The following CIC variants were observed in gnomAD, a reference collection of about 807,000 sequenced individuals.
The protein encoded by CIC is capicua transcriptional repressor.
In CIC, 18 loss-of-function variants were observed where a neutral mutation model predicts 115.7. The ratio of observed to expected loss-of-function variants is 0.16; its 90% CI spans 0.11 to 0.23. The LOEUF is 0.23. Ranked by LOEUF, CIC falls within the 10% of genes least tolerant of loss-of-function variation. CIC has a pLI of 1.00. For synonymous variants in CIC, 1,076 were observed against 923.0 expected, an observed-to-expected ratio of 1.17 and a Z score of -3.01; for missense variants, 2,000 against 2,159.3, an observed-to-expected ratio of 0.93 and a Z score of 1.46.
rs1270442745 is a variant in CIC at position 42,295,277 on chromosome 19, G to C, written c.*86G>C. 8.1e-7 allele frequency: 1 copy of C among 1,241,176 alleles called. No individual in the cohort carries two copies. Among genetic ancestry groups the C allele is most frequent in the African/African-American group, 1.5e-5 (1 of 66,896 alleles). The allele number at this position is 1,241,176 out of a possible 1,614,324, so 76.9% of individuals were successfully genotyped here. ...GGGCAGGAAGGTTATCTCCTCCCGG[G>C]TAAAGCCATTTCGTCCTCTCCAGTT... On this transcript the variant is annotated 3_prime_UTR_variant, in exon 21 of 21. Transcript: ENST00000681038.
rs779222606 is a variant in CIC, at chr19:42,293,174, C to T, written c.6415C>T (p.Pro2139Ser). Reference sequence around the variant, plus strand: ...TGAGCTTGAGGGGCAGCCCACACCACCAGCCCCTCCACCCCTGCCAGAGAC... The same window carrying T: ...TGAGCTTGAGGGGCAGCCCACACCATCAGCCCCTCCACCCCTGCCAGAGAC... ...ESELEGQPTP[P>S]APPPLPETWT... Residue 2139 changes from proline to serine, a missense_variant, in exon 16 of 21, where the codon CCA becomes TCA. Coordinates refer to ENST00000681038, the MANE Select transcript of CIC (RefSeq NM_001386298.1). 6.2e-7 allele frequency: 1 copy of T among 1,602,618 alleles called. No homozygotes were observed. Among genetic ancestry groups the T allele is most frequent in the Non-Finnish European group, 8.5e-7 (1 of 1,175,464 alleles).
intron 2 of CIC, among the ~76,000 whole-genome samples, chr19:42,282,905 C>T (rs971881037): frequency 6.6e-6 from 1 of 151,936 alleles, no homozygotes; most frequent in Non-Finnish European, 1.5e-5. Context: ...TAGTGGGTGG[C>T]TGGCAGAGCA....
rs1226588345 is a variant in CIC at position 42,270,051 on chromosome 19, G to T, written c.-11+670G>T. 6.6e-6 allele frequency among the ~76,000 whole-genome samples: 1 copy of T among 152,184 alleles called. No homozygotes were observed. Among genetic ancestry groups the T allele is most frequent in the African/African-American group, 2.4e-5 (1 of 41,422 alleles). ...CAGCTCTGGGGCGAAGAGAGGCTGG[G>T]CCAGGCAGCAAGGTCTAGGGGTCCA... On this transcript the variant is annotated intron_variant, in intron 1 of 20. Transcript: ENST00000681038. This position sits in a 1 kb window ranked among gnomAD's most constrained non-coding sequence, Gnocchi z 4.1.
In CIC at chr19:42,294,851, G is replaced by A. The variant is rs200799936; in HGVS notation, c.7214G>A (p.Arg2405His). Residue 2405 changes from arginine (R) to histidine (H), a missense_variant, in exon 21 of 21, where the codon CGC (arginine) becomes CAC (histidine). By Grantham distance (29) the Arg-to-His change is conservative. This residue lies in a region of CIC where 17 missense variants were observed against 17.8 expected (regional missense o/e 0.95). Transcript: ENST00000681038. ...CAGGCCACAGCCGCCTTCCAGGCCC[G>A]CTATGCAGACATCTTTCCCTCCAAG... ...SAQATAAFQA[R>H]YADIFPSKVC... 27 of 1,601,352 alleles carry A rather than the reference G, an allele frequency of 1.7e-5. No homozygotes were observed. The highest frequency in any genetic ancestry group is 8.0e-5 in the African/African-American group (6 of 75,044).
At chr19:42,278,802 T>G (rs1233851200) in intron 2 of CIC, among the ~76,000 whole-genome samples, 1 of 152,164 alleles carries the variant, frequency 6.6e-6, no homozygotes, top group Non-Finnish European at 1.5e-5. Flanking sequence ...CCCCTCATGC[T>G]CTTTGACAAA....
At position 42,293,907 on chromosome 19, in the gene CIC, G is replaced by A. The variant is rs201366351; in HGVS notation, c.6768-28G>A. ...AGTGGGAGCAGCTGCAGGCTGAGGCGGGGGAGGTGACCCTGCCGGCCCTCC... is the reference window on the plus strand; with the variant it reads ...AGTGGGAGCAGCTGCAGGCTGAGGCAGGGGAGGTGACCCTGCCGGCCCTCC... On this transcript the variant is annotated intron_variant, in intron 17 of 20. Coordinates refer to ENST00000681038, the MANE Select transcript of CIC (RefSeq NM_001386298.1). 1.2e-5 allele frequency: 20 copies of A among 1,612,670 alleles called. No individual in the cohort carries two copies. In the East Asian group the frequency reaches 2.7e-4, roughly 22 times the overall value.
In CIC at chr19:42,292,136, G is replaced by A. The variant is rs748512902; in HGVS notation, c.5664G>A (p.Pro1888=). Reference sequence around the variant, plus strand: ...TGAGCACACCCAGCGGCCTGGTGCCGCCCCTGAGCCCAGCCACACTCCCTG... The same window carrying A: ...TGAGCACACCCAGCGGCCTGGTGCCACCCCTGAGCCCAGCCACACTCCCTG... The part of the protein sequence containing the change: ...VPVSTPSGLV[P]PLSPATLPGP... The change falls in exon 13 of 21, where the codon CCG becomes CCA. Residue 1888 remains proline, a synonymous_variant. Transcript: ENST00000681038. The A allele has an allele frequency of 1.6e-5, 26 of 1,613,508 alleles. No individual in the cohort carries two copies. Among genetic ancestry groups the A allele is most frequent in the South Asian group, 1.1e-4 (10 of 91,068 alleles).
chr19:42,292,353 C>T lies in CIC; in HGVS notation c.5789C>T (p.Pro1930Leu). The T allele has an allele frequency of 2.5e-6, 4 of 1,613,036 alleles. No homozygotes were observed. Among genetic ancestry groups the T allele is most frequent in the Admixed American group, 1.7e-5 (1 of 60,030 alleles). The part of the protein sequence containing the change: ...GGHALPLGTS[P>L]ASSQAGTVTS... ...CACGCGCTGCCCCTGGGTACCAGCC[C>T]TGCGTCCAGCCAGGCTGGAACAGTC... The change falls in exon 14 of 21, where the codon CCT becomes CTT. Residue 1930 changes from proline to leucine, a missense_variant. By Grantham distance (98) the Pro-to-Leu change is moderately conservative (BLOSUM62 -3). Around this residue, in one of 8 missense-constraint regions of CIC, gnomAD observed 1,466 missense variants for 1,390.4 expected, o/e 1.05. Coordinates refer to ENST00000681038, the MANE Select transcript of CIC (RefSeq NM_001386298.1).
intron 2 of CIC, among the ~76,000 whole-genome samples, chr19:42,283,813 T>A (rs1437709389): frequency 6.6e-6 from 1 of 151,910 alleles, no homozygotes; most frequent in African/African-American, 2.4e-5. Context: ...GCCACCCTCC[T>A]ACCGCGGCCC....
chr19:42,288,092 T>G, intron 7 of CIC, 117 bp downstream of exon 7: 1 of 1,204,830 alleles, frequency 8.3e-7, no homozygotes. Flanking sequence ...TCGCTTTAAT[T>G]TGGCGACCCT....
chr19:42,287,706 G>A lies in CIC; in HGVS notation c.3471G>A (p.Lys1157=), dbSNP rs765094541. The A allele has an allele frequency of 1.2e-5, 19 of 1,614,066 alleles. No homozygotes were observed. In the African/African-American group the frequency reaches 1.6e-4, roughly 14 times the overall value. Residue 1157 remains lysine, a synonymous_variant, in exon 6 of 21, where the codon AAG becomes AAA. Transcript: ENST00000681038. This position sits in a 1 kb window ranked among gnomAD's most constrained non-coding sequence, Gnocchi z 8.7. ...CCCTGGGGCCCAAGGAGAAGCAGAA[G>A]TACCACGACCTGGCCTTCCAGGTAA... is the stretch of plus-strand genomic sequence containing the variant. ...WYALGPKEKQ[K]YHDLAFQVKE... is the part of the protein sequence containing the mutation.
rs118168321 is a variant in CIC, at chr19:42,288,108, G to A, written c.3658+133G>A. Reference sequence around the variant, plus strand: ...CGCTTTAATTTGGCGACCCTTATCCGTAAAGGAACCGGCAGTTGATTCATG... The same window carrying A: ...CGCTTTAATTTGGCGACCCTTATCCATAAAGGAACCGGCAGTTGATTCATG... On this transcript the variant is annotated intron_variant, in intron 7 of 20. Coordinates refer to ENST00000681038, the MANE Select transcript of CIC (RefSeq NM_001386298.1). 5,514 of 1,006,170 alleles carry A rather than the reference G, an allele frequency of 5.5e-3. 24 individuals carry two copies. The highest frequency in any genetic ancestry group is 6.9e-3 in the Non-Finnish European group (4,658 of 678,020). The allele number at this position is 1,006,170 out of a possible 1,614,324, so 62.3% of individuals were successfully genotyped here.
chr19:42,284,029 G>A (rs1185991017), intron 2 of CIC: 5 of 148,648 alleles, frequency 3.4e-5, no homozygotes, highest in Non-Finnish European at 6.0e-5. Flanking sequence ...GGGGGGAGGC[G>A]CGGCGGGGGG....
chr19:42,279,410 T>C (rs2037120552), intron 2 of CIC, among the ~76,000 whole-genome samples: 1 of 152,164 alleles, frequency 6.6e-6, no homozygotes, highest in Non-Finnish European at 1.5e-5. Context: ...CAGGGACAAC[T>C]CAGTGGTTCA....
At chr19:42,284,529 G>T in intron 2 of CIC, 1 of 175,406 alleles carries the variant, frequency 5.7e-6, no homozygotes, top group Non-Finnish European at 1.2e-5. Context: ...AGGCGCGCCC[G>T]GCAGAGACCC....
At chr19:42,291,794 C>T (rs1177386498) in intron 12 of CIC, 49 bp downstream of exon 12, 5 of 1,602,142 alleles carry the variant, frequency 3.1e-6, no homozygotes, top group Non-Finnish European at 2.6e-6. Flanking sequence ...CCCCTGTACC[C>T]CATCATTTCT....
At position 42,295,143 on chromosome 19, in the gene CIC, G is replaced by GGGGGGCC; in HGVS notation, c.7506_7507insGGGGGCC (p.Pro2503GlyfsTer22). ...AGCCTGGCTGGGAGGGGGCTCCCCA[G>GGGGGGCC]CCCTCCCCCCCACCCCCAGGTCCCT... is the stretch of plus-strand genomic sequence containing the variant. On this transcript the variant is annotated frameshift_variant, in exon 21 of 21. Transcript: ENST00000681038. LOFTEE classifies it high-confidence loss of function. 3.3e-5 allele frequency: 46 copies of GGGGGGCC among 1,382,490 alleles called. No homozygotes were observed. The highest frequency in any genetic ancestry group is 4.1e-5 in the Non-Finnish European group (43 of 1,037,592). The allele number at this position is 1,382,490 out of a possible 1,614,324, so 85.6% of individuals were successfully genotyped here. A position where few individuals can be genotyped will look rare whatever the true frequency, so the allele number is the denominator to read the frequency against.
rs768415690 is a variant in CIC at position 42,292,633 on chromosome 19, G to A, written c.5970G>A (p.Pro1990=). ...CACCTGTGCCCAGTCCCCAGCTGCCGCCTGCCTGTGCAGCCCCCGGAGGTC... is the reference window on the plus strand; with the variant it reads ...CACCTGTGCCCAGTCCCCAGCTGCCACCTGCCTGTGCAGCCCCCGGAGGTC... ...GVSPVPSPQL[P]PACAAPGGPV... is the part of the protein sequence containing the mutation. Residue 1990 remains proline, a synonymous_variant, in exon 15 of 21, where the codon CCG becomes CCA. Transcript: ENST00000681038. 88 of 1,611,124 alleles carry A rather than the reference G, an allele frequency of 5.5e-5. No individual in the cohort carries two copies. The highest frequency in any genetic ancestry group is 8.9e-5 in the East Asian group (4 of 44,846).
At chr19:42,285,081 C>T (rs1462240579) in intron 2 of CIC, among the ~76,000 whole-genome samples, 3 of 152,048 alleles carry the variant, frequency 2.0e-5, no homozygotes, top group Non-Finnish European at 4.4e-5. Flanking sequence ...CAGCACGAGA[C>T]CTGCTGGTCC....
Sources: allele counts gnomAD v4.1 joint callset (sites outside exome capture counted in the v4.1 genomes callset), GRCh38; gene constraint gnomAD v4.1.1; regional missense constraint gnomAD v4.1.1; non-coding constraint Gnocchi (gnomAD v3.1); transcripts MANE v1.5; gene names NCBI Gene and HGNC (gene_info 2026-07-23, HGNC 2026-07-21).